The following PARD3 variants were observed in gnomAD, a reference collection of about 807,000 sequenced individuals.
The protein encoded by PARD3 is par-3 family cell polarity regulator.
A neutral mutation model predicts 155.4 loss-of-function variants in PARD3; 75 were observed. The ratio of observed to expected loss-of-function variants is 0.48; its 90% confidence interval spans 0.40 to 0.58. The LOEUF (loss-of-function observed/expected upper bound fraction) is 0.58. Among genes scored for constraint, PARD3 ranks in the 20% least tolerant of loss-of-function variants. The pLI is 0.00. For synonymous variants in PARD3, 576 were observed against 610.5 expected (o/e 0.94, Z 0.83); for missense variants, 1,642 against 1,721.7 (o/e 0.95, Z 0.82).
chr10:34,794,635 T>C (rs1251731888), intron 1 of PARD3, among the ~76,000 whole-genome samples: 1 of 152,224 alleles, frequency 6.6e-6, no homozygotes. Flanking sequence ...AACCACCACT[T>C]TGAACCTCTT....
At chr10:34,476,068 C>T (rs545102130) in intron 3 of PARD3, among the ~76,000 whole-genome samples, 13 of 151,988 alleles carry the variant, frequency 8.6e-5, no homozygotes, top group Non-Finnish European at 1.3e-4. Flanking sequence ...GCAGAAGGAT[C>T]ACTTGAGCCC....
chr10:34,512,499 G>A (rs1430602259), intron 3 of PARD3, among the ~76,000 whole-genome samples: 1 of 152,124 alleles, frequency 6.6e-6, no homozygotes, highest in Non-Finnish European at 1.5e-5. Context: ...GGATGATCCA[G>A]GATGATCCCA....
At chr10:34,334,279 G>A (rs957335627) in intron 18 of PARD3, among the ~76,000 whole-genome samples, 3 of 147,244 alleles carry the variant, frequency 2.0e-5, no homozygotes, top group African/African-American at 7.5e-5. Flanking sequence ...AAAAAAAAGA[G>A]GGAAATCATA....
At chr10:34,684,778 T>TACACAC (rs3087285) in intron 2 of PARD3, among the ~76,000 whole-genome samples, 16 of 119,114 alleles carry the variant, frequency 1.3e-4, no homozygotes, top group East Asian at 2.9e-4. Flanking sequence ...TGATGATACA[T>TACACAC]ACACACACAC....
chr10:34,588,856 AC>A (rs2088363058), intron 2 of PARD3, among the ~76,000 whole-genome samples: 1 of 152,156 alleles, frequency 6.6e-6, no homozygotes, highest in Non-Finnish European at 1.5e-5. Context: ...TCCACCCAAG[AC>A]CTACTGAATC....
chr10:34,667,667 A>G (rs1419396673), intron 2 of PARD3, among the ~76,000 whole-genome samples: 2 of 152,216 alleles, frequency 1.3e-5, no homozygotes, highest in Admixed American at 6.5e-5. Context: ...CATAGGGGTG[A>G]TATCGGACAA....
At chr10:34,663,007 G>C (rs1342398951) in intron 2 of PARD3, among the ~76,000 whole-genome samples, 1 of 152,176 alleles carries the variant, frequency 6.6e-6, no homozygotes, top group African/African-American at 2.4e-5. Flanking sequence ...TGGAAATAGA[G>C]AGTAGATGAT....
At chr10:34,579,336 C>A (rs1217273967) in intron 2 of PARD3, among the ~76,000 whole-genome samples, 1 of 151,954 alleles carries the variant, frequency 6.6e-6, no homozygotes, top group Non-Finnish European at 1.5e-5. Context: ...TAAACCCCAG[C>A]GCCTCTAAGC....
intron 7 of PARD3, among the ~76,000 whole-genome samples, chr10:34,395,831 G>A (rs1344252150): frequency 1.2e-4 from 3 of 24,354 alleles, no homozygotes; most frequent in Non-Finnish European, 1.8e-4. Context: ...GCGACAGAGC[G>A]AGACTCCGTC....
chr10:34,417,520 T>G (rs1435837136), intron 5 of PARD3, among the ~76,000 whole-genome samples: 2 of 152,214 alleles, frequency 1.3e-5, no homozygotes, highest in Non-Finnish European at 2.9e-5. Flanking sequence ...TCATTATGAT[T>G]AAGTTGCAAT....
chr10:34,487,905 T>C (rs1227030709), intron 3 of PARD3, among the ~76,000 whole-genome samples: 1 of 152,222 alleles, frequency 6.6e-6, no homozygotes, highest in African/African-American at 2.4e-5. Flanking sequence ...ATTGCAGATA[T>C]TCTCTAAATG....
chr10:34,254,062 T>G (rs181578720), intron 22 of PARD3, among the ~76,000 whole-genome samples: 1 of 152,240 alleles, frequency 6.6e-6, no homozygotes, highest in Admixed American at 6.5e-5. Flanking sequence ...ACACTGCACT[T>G]GTACCTGATG....
chr10:34,445,325 A>T (rs1177125685), intron 5 of PARD3, among the ~76,000 whole-genome samples: 1 of 152,192 alleles, frequency 6.6e-6, no homozygotes, highest in East Asian at 1.9e-4. Flanking sequence ...AAAATTTGAG[A>T]GGGAGTTTTG....
chr10:34,530,076 T>C (rs995492846), intron 2 of PARD3, among the ~76,000 whole-genome samples: 1 of 152,082 alleles, frequency 6.6e-6, no homozygotes, highest in African/African-American at 2.4e-5. Flanking sequence ...TGGACCATCA[T>C]AAAGGTCTTC....
intron 1 of PARD3, among the ~76,000 whole-genome samples, chr10:34,718,460 G>C (rs1300715071): frequency 6.6e-6 from 1 of 151,872 alleles, no homozygotes; most frequent in Non-Finnish European, 1.5e-5. Flanking sequence ...AGGAGTTCAA[G>C]ACCAGCTTGG....
At chr10:34,720,063 G>C (rs2094579382) in intron 1 of PARD3, among the ~76,000 whole-genome samples, 1 of 152,156 alleles carries the variant, frequency 6.6e-6, no homozygotes, top group Non-Finnish European at 1.5e-5. Flanking sequence ...TATGGTGCAG[G>C]GTATGTTAGG....
chr10:34,793,306 G>A (rs1250419524), intron 1 of PARD3, among the ~76,000 whole-genome samples: 2 of 152,194 alleles, frequency 1.3e-5, no homozygotes, highest in African/African-American at 4.8e-5. Context: ...TAGGACTCCA[G>A]GGCAGCAGTG....
At chr10:34,676,515 G>A (rs991764487) in intron 2 of PARD3, among the ~76,000 whole-genome samples, 1 of 152,136 alleles carries the variant, frequency 6.6e-6, no homozygotes, top group African/African-American at 2.4e-5. Flanking sequence ...AAGATGAAAA[G>A]TAATTCCATT....
chr10:34,420,948 G>T (rs910882784), intron 5 of PARD3, among the ~76,000 whole-genome samples: 1 of 152,110 alleles, frequency 6.6e-6, no homozygotes, highest in Non-Finnish European at 1.5e-5. Context: ...GGCCAAGGTC[G>T]GGGGGATTGC....
Sources: gnomAD v4.1 joint callset for allele counts (sites outside exome capture counted in the v4.1 genomes callset) on GRCh38, gnomAD v4.1.1 for gene constraint, MANE v1.5 for transcripts, NCBI Gene and HGNC (gene_info 2026-07-23, HGNC 2026-07-21) for gene names.